PTPRZ1: variants seen among roughly 807,000 people sequenced by gnomAD.
PTPRZ1 encodes the protein receptor-type tyrosine-protein phosphatase zeta.
PTPRZ1 carries 82 observed loss-of-function variants against 214.1 expected under a neutral mutation model. The ratio of observed to expected loss-of-function variants is 0.38; its 90% CI spans 0.32 to 0.46. The LOEUF (loss-of-function observed/expected upper bound fraction) is 0.46, where lower values mean the gene tolerates loss of function less well. PTPRZ1 is among the 20% of genes least tolerant of loss of function. The pLI is 1.00. For missense variants in PTPRZ1, 2,603 were observed against 2,748.7 expected, an observed-to-expected ratio of 0.95 and a Z score of 1.19; for synonymous variants, 945 against 987.9, an observed-to-expected ratio of 0.96 and a Z score of 0.81.
At chr7:121,957,106 A>G (rs1271944244) in intron 2 of PTPRZ1, among the ~76,000 whole-genome samples, 1 of 152,146 alleles carries the variant, frequency 6.6e-6, no homozygotes, top group Non-Finnish European at 1.5e-5. Context: ...CCTGGTCTCC[A>G]TTTCTGCAGG....
chr7:121,970,629 G>A (rs2093029680), intron 3 of PTPRZ1, among the ~76,000 whole-genome samples: 2 of 152,096 alleles, frequency 1.3e-5, no homozygotes, highest in African/African-American at 2.4e-5. Context: ...TATATCCTTT[G>A]CCCACTTTTT....
chr7:121,976,028 T>C, intron 4 of PTPRZ1, 145 bp from the exon 5 acceptor site: 1 of 495,216 alleles, frequency 2.0e-6, no homozygotes, highest in Non-Finnish European at 3.5e-6. Flanking sequence ...TTCCCTTCCT[T>C]ATTGAAGGAT....
chr7:121,908,581 T>C (rs1208233214), intron 1 of PTPRZ1: 2 of 351,164 alleles, frequency 5.7e-6, no homozygotes, highest in East Asian at 1.6e-4. Flanking sequence ...ATGGTATCTT[T>C]TACGTCTGTA....
In PTPRZ1 at chr7:122,039,021, A is replaced by T; in HGVS notation, c.5502+132A>T. On this transcript the variant is annotated intron_variant, in intron 19 of 29. Coordinates refer to ENST00000393386, the MANE Select transcript of PTPRZ1 (RefSeq NM_002851.3). Reference sequence around the variant, plus strand: ...TTGGGATTCTTTTTTAGTAAATATGACAGCTAAAGGGAAACTGTTAATACT... The same window carrying T: ...TTGGGATTCTTTTTTAGTAAATATGTCAGCTAAAGGGAAACTGTTAATACT... 2 of 960,666 alleles carry T rather than the reference A, an allele frequency of 2.1e-6. 1 individual carries two copies. Among genetic ancestry groups the T allele is most frequent in the East Asian group, 5.0e-5 (2 of 40,160 alleles). The allele number at this position is 960,666 out of a possible 1,614,324, so 59.5% of individuals were successfully genotyped here. A position where few individuals can be genotyped will look rare whatever the true frequency, so the allele number is the denominator to read the frequency against.
In PTPRZ1 at chr7:122,013,047, A is replaced by G. The variant is rs1202509172; in HGVS notation, c.4001A>G (p.Asp1334Gly). The G allele has an allele frequency of 6.2e-7, 1 of 1,613,896 alleles. No homozygotes were observed. Residue 1334 changes from aspartate (D) to glycine (G), a missense_variant, in exon 12 of 30, where the codon GAT (aspartate) becomes GGT (glycine). Around this residue, in one of 6 missense-constraint regions of PTPRZ1, gnomAD observed 1,913 missense variants for 1,914.3 expected, o/e 1.00. Transcript: ENST00000393386. ...NTLINKLIHS[D>G]EILTSTKSSV... ...CTAATAAATAAGCTTATACATTCCG[A>G]TGAAATTTTAACCTCCACCAAAAGT...
At chr7:122,051,661 C>A in intron 24 of PTPRZ1, 140 bp downstream of exon 24, 1 of 843,134 alleles carries the variant, frequency 1.2e-6, no homozygotes, top group Non-Finnish European at 1.9e-6. Context: ...GTAACTGTTC[C>A]AAAGGACTCA....
In PTPRZ1 at chr7:122,033,986, A is replaced by G. The variant is rs533512008; in HGVS notation, c.5167-109A>G. The G allele has an allele frequency of 9.6e-6, 9 of 936,904 alleles. No homozygotes were observed. The East Asian group carries it at 2.2e-4, about 23-fold the overall frequency. 58.0% of individuals were successfully genotyped at this position (936,904 alleles called of 1,614,324 possible). A position where few individuals can be genotyped will look rare whatever the true frequency, so the allele number is the denominator to read the frequency against. On this transcript the variant is annotated intron_variant, in intron 15 of 29. Coordinates refer to ENST00000393386, the MANE Select transcript of PTPRZ1 (RefSeq NM_002851.3). ...AGTATTTGACAAATGTATTTATTGC[A>G]TGATCATAGTTTTCCATTGTAAACC...
intron 7 of PTPRZ1, 70 bp downstream of exon 7, chr7:121,983,892 T>C: frequency 6.3e-7 from 1 of 1,588,626 alleles, no homozygotes; most frequent in African/African-American, 1.4e-5. Context: ...CTAAGTTTGC[T>C]ATAAAATATC....
chr7:122,021,097 A>G (rs1584750423), intron 13 of PTPRZ1, among the ~76,000 whole-genome samples: 2 of 152,188 alleles, frequency 1.3e-5, no homozygotes, highest in East Asian at 1.9e-4. Context: ...ATTCTGCTTC[A>G]TAGTAAATAG....
At chr7:122,002,966 A>G (rs1184001040) in intron 10 of PTPRZ1, among the ~76,000 whole-genome samples, 1 of 152,208 alleles carries the variant, frequency 6.6e-6, no homozygotes. Context: ...AAGATTTTTT[A>G]TATGCATGAA....
chr7:121,922,488 T>C (rs1795629517), intron 1 of PTPRZ1, among the ~76,000 whole-genome samples: 1 of 152,084 alleles, frequency 6.6e-6, no homozygotes, highest in Non-Finnish European at 1.5e-5. Context: ...ACCCAGGGCG[T>C]AGGCGTGGGG....
chr7:121,899,318 G>A (rs912817477), intron 1 of PTPRZ1, among the ~76,000 whole-genome samples: 2 of 151,986 alleles, frequency 1.3e-5, no homozygotes, highest in Non-Finnish European at 2.9e-5. Context: ...ATACTTGCAA[G>A]TATATTCATA....
At chr7:122,010,167 C>T (rs890555020) in intron 11 of PTPRZ1, among the ~76,000 whole-genome samples, 167 bp from the exon 12 acceptor site, 7 of 152,178 alleles carry the variant, frequency 4.6e-5, no homozygotes, top group East Asian at 1.9e-4. Flanking sequence ...CCCTGTAGAG[C>T]GGATGGTAAA....
At chr7:121,931,120 G>A (rs960192071) in intron 2 of PTPRZ1, among the ~76,000 whole-genome samples, 1 of 152,124 alleles carries the variant, frequency 6.6e-6, no homozygotes, top group East Asian at 1.9e-4. Context: ...AGTTCTACAT[G>A]TTTGGGCCTT....
intron 25 of PTPRZ1, among the ~76,000 whole-genome samples, chr7:122,053,611 G>A (rs140462862): frequency 1.4e-4 from 22 of 152,192 alleles, no homozygotes; most frequent in Middle Eastern, 3.4e-3. Flanking sequence ...GCAAACTTGG[G>A]CACAATGCTT....
chr7:122,011,324 C>T lies in PTPRZ1; in HGVS notation c.2278C>T (p.Gln760Ter). 6.2e-7 allele frequency: 1 copy of T among 1,614,182 alleles called. No individual in the cohort carries two copies. The highest frequency in any genetic ancestry group is 8.5e-7 in the Non-Finnish European group (1 of 1,180,036). The change falls in exon 12 of 30, where the codon CAA (glutamine) becomes TAA (stop). Residue 760 changes from glutamine to a stop codon, truncating the protein, a stop_gained. Transcript: ENST00000393386. LOFTEE classifies it high-confidence loss of function. ...QPVYNGETPLQPSYSSEVFPL... is the reference protein window; with the variant it reads ...QPVYNGETPL ...GGTATACAATGGTGAGACACCTCTT[C>T]AACCTTCCTACAGTAGTGAAGTCTT...
chr7:121,915,944 T>C (rs1795411937), intron 1 of PTPRZ1, among the ~76,000 whole-genome samples: 1 of 152,154 alleles, frequency 6.6e-6, no homozygotes, highest in East Asian at 1.9e-4. Flanking sequence ...AGCTAGCTCC[T>C]TTGATGTGCA....
At chr7:122,047,528 T>C (rs1431774365) in intron 23 of PTPRZ1, among the ~76,000 whole-genome samples, 2 of 152,126 alleles carry the variant, frequency 1.3e-5, no homozygotes. Context: ...ATGTTTACAG[T>C]AGTACACATA....
At chr7:121,977,266 C>T (rs1411067524) in intron 6 of PTPRZ1, among the ~76,000 whole-genome samples, 1 of 151,974 alleles carries the variant, frequency 6.6e-6, no homozygotes, top group Non-Finnish European at 1.5e-5. Context: ...AATTTATTCC[C>T]TGGTGGTTTC....
Sources: gnomAD v4.1 joint callset for allele counts (sites outside exome capture counted in the v4.1 genomes callset) on GRCh38, gnomAD v4.1.1 for gene constraint, gnomAD v4.1.1 regional missense constraint, MANE v1.5 for transcripts, NCBI Gene and HGNC (gene_info 2026-07-23, HGNC 2026-07-21) for gene names.